ECH1: variants seen among roughly 807,000 people sequenced by gnomAD.
ECH1 encodes enoyl-CoA hydratase 1.
ECH1 carries 30 observed loss-of-function variants against 37.0 expected under a neutral mutation model. The ratio of observed to expected loss-of-function variants is 0.81; its 90% CI spans 0.61 to 1.10. ECH1 has a LOEUF of 1.10. ECH1 is among the 50% of genes least tolerant of loss of function. The probability of loss-of-function intolerance (pLI) is 0.00; values close to 1 mark genes in which losing one functional copy is unlikely to be tolerated. For missense variants in ECH1, 456 were observed against 441.6 expected, an observed-to-expected ratio of 1.03 and a Z score of -0.29; for synonymous variants, 178 against 176.0, an observed-to-expected ratio of 1.01 and a Z score of -0.09.
intron 3 of ECH1, among the ~76,000 whole-genome samples, chr19:38,818,818 A>T (rs1209553559): frequency 6.6e-6 from 1 of 152,126 alleles, no homozygotes; most frequent in Non-Finnish European, 1.5e-5. Context: ...TGGCTCTTAG[A>T]ACAAAATGGA....
rs556120267 is a variant in ECH1, at chr19:38,830,846, G to A, written c.349+232C>T. ...AAATTAGCTGGGTGTGGTGGCCCACGCCTGTAGTCCCAGACAGAAGAATTG... is the reference window on the plus strand; with the variant it reads ...AAATTAGCTGGGTGTGGTGGCCCACACCTGTAGTCCCAGACAGAAGAATTG... On this transcript the variant is annotated intron_variant, in intron 3 of 9. Coordinates refer to ENST00000221418, the MANE Select transcript of ECH1 (RefSeq NM_001398.3). The A allele has an allele frequency of 2.0e-4, 105 of 536,038 alleles. 1 individual carries two copies. The East Asian group carries it at 3.5e-3, about 18-fold the overall frequency. The allele number at this position is 536,038 out of a possible 1,614,324, so 33.2% of individuals were successfully genotyped here.
chr19:38,831,259 G>A (rs73930206), intron 2 of ECH1, 50 bp downstream of exon 2: 217,213 of 1,606,984 alleles, frequency 0.14, 16,149 homozygotes, highest in South Asian at 0.28. Context: ...ACCCAGTCCC[G>A]CAGCCCCGCC....
In ECH1 at chr19:38,816,346, G is replaced by A. The variant is rs749848886; in HGVS notation, c.669C>T (p.Asn223=). 20 of 1,613,800 alleles carry A rather than the reference G, an allele frequency of 1.2e-5. No homozygotes were observed. The highest frequency in any genetic ancestry group is 1.7e-5 in the Admixed American group (1 of 59,986). ...TCTTGCGGGCGGTGAAGGCCAGCTC[G>A]TTGACCAGGCTGCAAAGGCAAGCGT... is the stretch of plus-strand genomic sequence containing the variant. The part of the protein sequence containing the change: ...PKVIGNQSLV[N]ELAFTARKMM... Residue 223 remains asparagine, a synonymous_variant, in exon 8 of 10, where the codon AAC becomes AAT. Transcript: ENST00000221418.
chr19:38,822,250 A>G (rs1003179267), intron 3 of ECH1, among the ~76,000 whole-genome samples: 19 of 151,120 alleles, frequency 1.3e-4, no homozygotes, highest in African/African-American at 4.1e-4. Flanking sequence ...GTCTAGCTCA[A>G]GGTTTGTAAA....
intron 3 of ECH1, among the ~76,000 whole-genome samples, chr19:38,825,205 C>T (rs1971721405): frequency 6.6e-6 from 1 of 152,200 alleles, no homozygotes; most frequent in African/African-American, 2.4e-5. Flanking sequence ...GGGACAAATT[C>T]CCTATCGGTC....
chr19:38,824,027 C>T (rs950895217), intron 3 of ECH1, among the ~76,000 whole-genome samples: 1 of 152,182 alleles, frequency 6.6e-6, no homozygotes, highest in Non-Finnish European at 1.5e-5. Context: ...ACAGGCCTAA[C>T]AAAGGTATTC....
In ECH1 at chr19:38,815,494, T is replaced by C; in HGVS notation, c.*119A>G. 1.1e-6 allele frequency: 1 copy of C among 950,148 alleles called. No homozygotes were observed. The highest frequency in any genetic ancestry group is 1.6e-6 in the Non-Finnish European group (1 of 614,476). 58.9% of individuals were successfully genotyped at this position (950,148 alleles called of 1,614,324 possible). ...CTTGAGAAACTCATTGTCATAAAGT[T>C]ATAAACTGGGAAACTGGGTCAGAAG... On this transcript the variant is annotated 3_prime_UTR_variant, in exon 10 of 10. Transcript: ENST00000221418.
chr19:38,816,785 C>T (rs1373070388), intron 6 of ECH1: 19 of 621,688 alleles, frequency 3.1e-5, no homozygotes, highest in Non-Finnish European at 2.8e-6. Context: ...ACCCTCCTCA[C>T]CCTACCTGAG....
intron 3 of ECH1, among the ~76,000 whole-genome samples, chr19:38,828,787 CTTTTT>C (rs1257278342): frequency 1.3e-5 from 2 of 149,640 alleles, no homozygotes; most frequent in African/African-American, 4.9e-5. Context: ...GGCTAATATT[CTTTTT>C]TTTTATTTTT....
chr19:38,815,699 T>C lies in ECH1; in HGVS notation c.901A>G (p.Met301Val), dbSNP rs987603672. Residue 301 changes from methionine to valine, a missense_variant, in exon 10 of 10, where the codon ATG becomes GTG. Met to Val is a conservative substitution (Grantham distance 21, BLOSUM62 1). Coordinates refer to ENST00000221418, the MANE Select transcript of ECH1 (RefSeq NM_001398.3). ...TTCACGAGGTCTTGGGTCTGCAGCA[T>C]GCTCATGTTCCAGGACGCCTGGTAC... Reference protein sequence around the residue: ...LNYVASWNMSMLQTQDLVKSV... With the variant: ...LNYVASWNMSVLQTQDLVKSV... The C allele has an allele frequency of 1.2e-6, 2 of 1,614,062 alleles. No homozygotes were observed. Among genetic ancestry groups the C allele is most frequent in the African/African-American group, 1.3e-5 (1 of 74,920 alleles).
chr19:38,828,034 G>T (rs1309231922), intron 3 of ECH1, among the ~76,000 whole-genome samples: 2 of 151,912 alleles, frequency 1.3e-5, no homozygotes, highest in African/African-American at 4.8e-5. Context: ...AACATAGCAA[G>T]ACCTCATCTC....
At chr19:38,816,131 A>G (rs1396498243) in intron 8 of ECH1, 124 bp from the exon 9 acceptor site, 2 of 1,478,298 alleles carry the variant, frequency 1.4e-6, no homozygotes, top group African/African-American at 2.8e-5. Flanking sequence ...GCCCAATCAG[A>G]GCAGGGGGCT....
At chr19:38,826,351 C>T (rs759373720) in intron 3 of ECH1, among the ~76,000 whole-genome samples, 1 of 152,190 alleles carries the variant, frequency 6.6e-6, no homozygotes, top group Non-Finnish European at 1.5e-5. Context: ...GTTAAAAGAT[C>T]CCACTGCTTT....
At chr19:38,816,192 T>C in intron 8 of ECH1, 92 bp downstream of exon 8, 1 of 1,533,346 alleles carries the variant, frequency 6.5e-7, no homozygotes, top group South Asian at 1.2e-5. Flanking sequence ...CACTAGGAAT[T>C]CTAGAGCGAG....
At chr19:38,820,050 T>C in intron 3 of ECH1, 21 of 389,792 alleles carry the variant, frequency 5.4e-5, no homozygotes, top group Non-Finnish European at 6.0e-5. Context: ...AAAGTCCCCC[T>C]TACTTTTTTT....
chr19:38,827,019 T>A (rs1425028266), intron 3 of ECH1, among the ~76,000 whole-genome samples: 2 of 137,200 alleles, frequency 1.5e-5, no homozygotes, highest in Non-Finnish European at 3.1e-5. Context: ...TCAGCAAGGA[T>A]GGAGAGGGAG....
intron 9 of ECH1, 30 bp from the exon 10 acceptor site, chr19:38,815,747 GGA>G (rs1971563600): frequency 5.0e-6 from 8 of 1,614,044 alleles, no homozygotes; most frequent in Non-Finnish European, 6.8e-6. Flanking sequence ...GAGAGAACGA[GGA>G]GAGAGATTAG....
intron 3 of ECH1, 48 bp from the exon 4 acceptor site, chr19:38,817,623 C>A: frequency 6.5e-7 from 1 of 1,544,020 alleles, no homozygotes; most frequent in South Asian, 1.2e-5. Context: ...AGGCCCCACC[C>A]ATTGACTCAA....
rs1168608450 is a variant in ECH1, at chr19:38,820,053, CTTTTT to C, written c.350-2483_350-2479del. On this transcript the variant is annotated intron_variant, in intron 3 of 9. Transcript: ENST00000221418. ...CAGCCTGAGGCCAAAGTCCCCCTTA[CTTTTT>C]TTTTTTTTTTTTTTTTTTTTGAGAT... The C allele has an allele frequency of 5.8e-3, 802 of 139,370 alleles. 3 individuals carry two copies. The highest frequency in any genetic ancestry group is 0.023 in the African/African-American group (474 of 20,440). The allele number at this position is 139,370 out of a possible 1,614,324, so 8.6% of individuals were successfully genotyped here.
Sources: allele counts gnomAD v4.1 joint callset (sites outside exome capture counted in the v4.1 genomes callset), GRCh38; gene constraint gnomAD v4.1.1; transcripts MANE v1.5; gene names NCBI Gene and HGNC (gene_info 2026-07-23, HGNC 2026-07-21).